CCT3: variants seen among roughly 807,000 people sequenced by gnomAD.
CCT3 encodes the protein chaperonin containing TCP1 subunit 3.
CCT3 carries 10 observed loss-of-function variants against 65.3 expected under a neutral mutation model. The ratio of observed to expected loss-of-function variants is 0.15; its 90% CI spans 0.09 to 0.26. The LOEUF (loss-of-function observed/expected upper bound fraction) is 0.26, where lower values mean the gene tolerates loss of function less well. Ranked by LOEUF, CCT3 falls within the 10% of genes least tolerant of loss-of-function variation. CCT3 has a pLI of 1.00. For synonymous variants in CCT3, 225 were observed against 242.3 expected, an observed-to-expected ratio of 0.93 and a Z score of 0.66; for missense variants, 626 against 708.7, an observed-to-expected ratio of 0.88 and a Z score of 1.33.
chr1:156,335,912 C>A, intron 1 of CCT3, 24 bp from the exon 2 acceptor site: 1 of 1,607,392 alleles, frequency 6.2e-7, no homozygotes, highest in South Asian at 1.1e-5. Context: ...AAACACAAGT[C>A]AACAGCCCAG....
rs745891368 is a variant in CCT3 at position 156,318,870 on chromosome 1, G to C, written c.757C>G (p.Gln253Glu). ...AGGAACAAGGCCAAGAACCTTACCT[G>C]GCTTTCTCCTTTCTTGTATTCCAGA... is the stretch of plus-strand genomic sequence containing the variant. ...SSLEYKKGES[Q>E]TDIEITREED... Residue 253 changes from glutamine to glutamate, a missense_variant and splice_region_variant, in exon 8 of 14, where the codon CAG becomes GAG. By Grantham distance (29) the Gln-to-Glu change is conservative (BLOSUM62 2). Coordinates refer to ENST00000295688, the MANE Select transcript of CCT3 (RefSeq NM_005998.5). 1 of 1,611,890 alleles carries C rather than the reference G, an allele frequency of 6.2e-7. No individual in the cohort carries two copies. Among genetic ancestry groups the C allele is most frequent in the Non-Finnish European group, 8.5e-7 (1 of 1,179,336 alleles).
intron 5 of CCT3, among the ~76,000 whole-genome samples, chr1:156,326,171 G>A (rs775682056): frequency 4.6e-5 from 7 of 151,644 alleles, no homozygotes; most frequent in South Asian, 4.2e-4. Flanking sequence ...CTGTCTCTAC[G>A]AAAAAATTCA....
At chr1:156,312,278 C>T in intron 10 of CCT3, 57 bp from the exon 11 acceptor site, 2 of 1,543,338 alleles carry the variant, frequency 1.3e-6, no homozygotes, top group South Asian at 1.2e-5. Flanking sequence ...GTACCCATTT[C>T]CCTAGTCTCT....
chr1:156,327,712 C>T (rs1664885864), intron 5 of CCT3, among the ~76,000 whole-genome samples: 1 of 151,674 alleles, frequency 6.6e-6, no homozygotes, highest in Admixed American at 6.6e-5. Flanking sequence ...GCCGCCACCC[C>T]GTCTGGGAAG....
At chr1:156,328,434 A>C (rs1664956117) in intron 5 of CCT3, among the ~76,000 whole-genome samples, 1 of 152,194 alleles carries the variant, frequency 6.6e-6, no homozygotes, top group East Asian at 1.9e-4. Context: ...GGTGGGGAAA[A>C]GATTGAGAAA....
intron 6 of CCT3, among the ~76,000 whole-genome samples, chr1:156,321,472 C>A (rs1425320340): frequency 1.3e-5 from 2 of 152,134 alleles, no homozygotes; most frequent in East Asian, 3.8e-4. Context: ...TCAAAGATGA[C>A]CACCAACTGG....
chr1:156,313,362 AAGAGAG>A (rs1359299147), intron 10 of CCT3, among the ~76,000 whole-genome samples: 4 of 146,086 alleles, frequency 2.7e-5, no homozygotes, highest in Admixed American at 7.0e-5. Context: ...AAAAAAAAAA[AAGAGAG>A]AGAGAGAGAG....
At chr1:156,333,848 T>A (rs560498639) in intron 4 of CCT3, among the ~76,000 whole-genome samples, 1 of 152,210 alleles carries the variant, frequency 6.6e-6, no homozygotes, top group East Asian at 1.9e-4. Context: ...GTGTATTACA[T>A]GAACTCAACT....
At position 156,334,936 on chromosome 1, in the gene CCT3, T is replaced by C. The variant is rs374584253; in HGVS notation, c.94-18A>G. On this transcript the variant is annotated intron_variant, in intron 2 of 13. Coordinates refer to ENST00000295688, the MANE Select transcript of CCT3 (RefSeq NM_005998.5). ...GCAATAGTCTAATGGAAAGGGAACA[T>C]AAAATACGCAAGCACAAATCAGAGG... is the stretch of plus-strand genomic sequence containing the variant. 1.1e-5 allele frequency: 18 copies of C among 1,612,756 alleles called. No individual in the cohort carries two copies. The African/African-American group carries it at 2.1e-4, about 19-fold the overall frequency.
At chr1:156,314,104 A>AAAC (rs1215649044) in intron 10 of CCT3, among the ~76,000 whole-genome samples, 3 of 136,740 alleles carry the variant, frequency 2.2e-5, no homozygotes, top group Non-Finnish European at 4.7e-5. Flanking sequence ...AAAAAAAAAA[A>AAAC]GTCAACATTA....
chr1:156,311,589 G>A (rs1664085270), intron 11 of CCT3, among the ~76,000 whole-genome samples: 2 of 152,160 alleles, frequency 1.3e-5, no homozygotes, highest in African/African-American at 4.8e-5. Context: ...GTTGCATGGT[G>A]TTGTACACTC....
intron 10 of CCT3, among the ~76,000 whole-genome samples, chr1:156,314,453 G>A (rs1034748986): frequency 1.4e-4 from 21 of 152,274 alleles, no homozygotes; most frequent in African/African-American, 4.6e-4. Context: ...AGTGGCTCAC[G>A]CCTGTAATCC....
chr1:156,333,058 G>T, intron 5 of CCT3: 1 of 177,170 alleles, frequency 5.6e-6, no homozygotes, highest in Non-Finnish European at 1.2e-5. Flanking sequence ...CACTTTGGGA[G>T]GCCAAGGAGG....
chr1:156,329,517 G>C (rs536066826), intron 5 of CCT3, among the ~76,000 whole-genome samples: 1 of 151,842 alleles, frequency 6.6e-6, no homozygotes, highest in Non-Finnish European at 1.5e-5. Flanking sequence ...ATGTTGGTCA[G>C]GATGGTCTCG....
At chr1:156,336,278 C>A (rs955791355) in intron 1 of CCT3, among the ~76,000 whole-genome samples, 1 of 106,786 alleles carries the variant, frequency 9.4e-6, no homozygotes, top group African/African-American at 3.7e-5. Flanking sequence ...AGAGATACTG[C>A]AATTTTTTTT....
At position 156,319,662 on chromosome 1, in the gene CCT3, G is replaced by A. The variant is rs146945653; in HGVS notation, c.610-645C>T. Among the ~76,000 whole-genome samples, 424 of 152,136 alleles carry A rather than the reference G, an allele frequency of 2.8e-3. 1 individual carries two copies. Among genetic ancestry groups the A allele is most frequent in the African/African-American group, 7.7e-3 (320 of 41,508 alleles). ...TCAGGCAGGAGGATCCCTTGAGGCC[G>A]GGAGTTCGAGACCAGCCTGGGCAAC... On this transcript the variant is annotated intron_variant, in intron 7 of 13. Coordinates refer to ENST00000295688, the MANE Select transcript of CCT3 (RefSeq NM_005998.5).
At chr1:156,338,103 G>A (rs1358702672) in intron 1 of CCT3, 51 bp downstream of exon 1, 6 of 1,560,362 alleles carry the variant, frequency 3.8e-6, no homozygotes, top group Non-Finnish European at 5.2e-6. Flanking sequence ...GAAAAGTATG[G>A]ACAGAAGAGG....
At chr1:156,337,097 G>A (rs2101685306) in intron 1 of CCT3, 4 of 1,285,526 alleles carry the variant, frequency 3.1e-6, no homozygotes, top group South Asian at 2.5e-5. Flanking sequence ...GACAATGGAG[G>A]TGGTGCTCAT....
intron 5 of CCT3, among the ~76,000 whole-genome samples, chr1:156,328,088 C>T (rs559057308): frequency 2.9e-4 from 27 of 91,702 alleles, no homozygotes; most frequent in African/African-American, 1.1e-3. Flanking sequence ...GTCAGCCCCC[C>T]GCCCAGCCAG....
Sources: allele counts gnomAD v4.1 joint callset (sites outside exome capture counted in the v4.1 genomes callset), GRCh38; gene constraint gnomAD v4.1.1; transcripts MANE v1.5; gene names NCBI Gene and HGNC (gene_info 2026-07-23, HGNC 2026-07-21).